Variants in MYO1C observed in about 807,000 individuals in gnomAD.
The protein encoded by MYO1C is unconventional myosin-Ic.
A neutral mutation model predicts 150.8 loss-of-function variants in MYO1C; 104 were observed. The ratio of observed to expected loss-of-function variants is 0.69; its 90% CI spans 0.59 to 0.81. The LOEUF is 0.81. Among genes scored for constraint, MYO1C ranks in the 30% least tolerant of loss-of-function variants. MYO1C has a pLI of 0.00. For synonymous variants in MYO1C, 663 were observed against 579.9 expected, an observed-to-expected ratio of 1.14 and a Z score of -2.06; for missense variants, 1,504 against 1,435.0, an observed-to-expected ratio of 1.05 and a Z score of -0.78.
chr17:1,491,420 G>C (rs994296671), intron 1 of MYO1C, among the ~76,000 whole-genome samples: 11 of 149,754 alleles, frequency 7.3e-5, no homozygotes, highest in African/African-American at 2.7e-4. Flanking sequence ...TCTCCACCAG[G>C]CTGCGCCGGC....
At chr17:1,468,797 G>C (rs1598321243) in intron 25 of MYO1C, 1 of 505,846 alleles carries the variant, frequency 2.0e-6, no homozygotes, top group East Asian at 3.6e-5. Flanking sequence ...GCTCCAGCTT[G>C]GGGTCTTGTA....
chr17:1,483,170 T>A (rs994348526), intron 3 of MYO1C, 111 bp from the exon 4 acceptor site: 110 of 1,093,606 alleles, frequency 1.0e-4, no homozygotes, highest in Non-Finnish European at 2.3e-5. Context: ...AATACACCCT[T>A]GAGGATGGGG....
chr17:1,491,545 C>T lies in MYO1C; in HGVS notation c.75+868G>A, dbSNP rs972382521. ...TGCACGGCGGCTCCCGGCCCGGCCG[C>T]CCGCTCCCCACACCCGCCCCCCGCG... On this transcript the variant is annotated intron_variant, in intron 1 of 31. Coordinates refer to ENST00000648651, the MANE Select transcript of MYO1C (RefSeq NM_001080779.2). 67 of 848,356 alleles carry T rather than the reference C, an allele frequency of 7.9e-5. No homozygotes were observed. In the African/African-American group the frequency reaches 8.1e-4, roughly 10 times the overall value. The allele number at this position is 848,356 out of a possible 1,614,324, so 52.6% of individuals were successfully genotyped here. A position where few individuals can be genotyped will look rare whatever the true frequency, so the allele number is the denominator to read the frequency against.
intron 5 of MYO1C, among the ~76,000 whole-genome samples, chr17:1,482,128 C>T (rs977502882): frequency 1.3e-5 from 2 of 152,068 alleles, no homozygotes; most frequent in African/African-American, 4.8e-5. Context: ...CTTAGGGTAA[C>T]CTTGGACTCC....
intron 25 of MYO1C, 103 bp from the exon 26 acceptor site, chr17:1,468,599 C>T (rs2074232352): frequency 4.4e-6 from 4 of 911,138 alleles, no homozygotes; most frequent in South Asian, 4.1e-5. Context: ...CACCCGCTTG[C>T]TGGTCCCTCT....
In MYO1C at chr17:1,479,299, C is replaced by T; in HGVS notation, c.1092+132G>A. 2 of 704,618 alleles carry T rather than the reference C, an allele frequency of 2.8e-6. No homozygotes were observed. The highest frequency in any genetic ancestry group is 5.0e-6 in the Non-Finnish European group (2 of 399,502). 43.6% of individuals were successfully genotyped at this position (704,618 alleles called of 1,614,324 possible). On this transcript the variant is annotated intron_variant, in intron 9 of 31. Transcript: ENST00000648651. This position sits in a 1 kb window ranked among gnomAD's most constrained non-coding sequence, Gnocchi z 4.2. ...TGAGCCACGGCGCTCGGCTCTCACT[C>T]TGCTTCTCTGAGCAGCCTTCCTTCC...
At chr17:1,488,163 C>T (rs1275549135) in intron 1 of MYO1C, among the ~76,000 whole-genome samples, 1 of 152,204 alleles carries the variant, frequency 6.6e-6, no homozygotes, top group Non-Finnish European at 1.5e-5. Context: ...CGCCCCGCCC[C>T]TCCACGTCAC....
intron 17 of MYO1C, chr17:1,472,490 T>G: frequency 1.9e-6 from 1 of 518,994 alleles, no homozygotes; most frequent in Non-Finnish European, 3.5e-6. Flanking sequence ...GCAACCTCAG[T>G]GCTACACCTC....
In MYO1C at chr17:1,478,307, G is replaced by T; in HGVS notation, c.1295+103C>A. 2 of 1,547,278 alleles carry T rather than the reference G, an allele frequency of 1.3e-6. No homozygotes were observed. Among genetic ancestry groups the T allele is most frequent in the Non-Finnish European group, 1.8e-6 (2 of 1,119,524 alleles). On this transcript the variant is annotated intron_variant, in intron 11 of 31. Coordinates refer to ENST00000648651, the MANE Select transcript of MYO1C (RefSeq NM_001080779.2). The surrounding 1 kb of genome is among the most constrained non-coding windows in gnomAD (Gnocchi z 6.3). ...GGTGAGAAACACAGAGACAGTCCCC[G>T]GCTGGCTGGGGAGTCACAGGGCAGG...
chr17:1,470,998 G>A (rs540582960), intron 21 of MYO1C, 73 bp downstream of exon 21: 3 of 1,489,394 alleles, frequency 2.0e-6, no homozygotes, highest in South Asian at 1.1e-5. Context: ...CCTGGAGAAG[G>A]AGCCCAAGGG....
Position 1,465,742 on chromosome 17 carries a change from C to A in MYO1C, c.3176G>T (p.Arg1059Leu). ...KNGHLAVVAP[R>L]LNSR ...GCGCCTTTATCACCGAGAATTCAGC[C>A]GTGGGGCGACCTGTGGGGGCGGAGA... is the stretch of plus-strand genomic sequence containing the variant. Residue 1059 changes from arginine (R) to leucine (L), a missense_variant, in exon 32 of 32, where the codon CGG becomes CTG. Coordinates refer to ENST00000648651, the MANE Select transcript of MYO1C (RefSeq NM_001080779.2). 1.5e-6 allele frequency: 2 copies of A among 1,324,110 alleles called. No homozygotes were observed. The highest frequency in any genetic ancestry group is 2.8e-5 in the South Asian group (1 of 36,204). 82.0% of individuals were successfully genotyped at this position (1,324,110 alleles called of 1,614,324 possible).
In MYO1C at chr17:1,471,346, G is replaced by C. The variant is rs1452414821; in HGVS notation, c.2022-10C>G. ...GCACAGTGACTTGTACCTGGGGACA[G>C]GAATGCACGCGGCTCCCACCCCAGT... On this transcript the variant is annotated splice_polypyrimidine_tract_variant and intron_variant, in intron 19 of 31. Coordinates refer to ENST00000648651, the MANE Select transcript of MYO1C (RefSeq NM_001080779.2). 6.2e-7 allele frequency: 1 copy of C among 1,612,382 alleles called. No individual in the cohort carries two copies. The highest frequency in any genetic ancestry group is 2.2e-5 in the East Asian group (1 of 44,868).
In MYO1C at chr17:1,467,494, G is replaced by GT; in HGVS notation, c.3050dup (p.Asn1017LysfsTer20). 1 of 1,613,236 alleles carries GT rather than the reference G, an allele frequency of 6.2e-7. No homozygotes were observed. The highest frequency in any genetic ancestry group is 8.5e-7 in the Non-Finnish European group (1 of 1,179,920). On this transcript the variant is annotated frameshift_variant, in exon 30 of 32. Transcript: ENST00000648651. LOFTEE classifies it high-confidence loss of function. ...CCGCGCCTCACCTGCCCTGGTTGATGTTGATGCTGTTCACGCGGTTGGCAC... is the reference window on the plus strand; with the variant it reads ...CCGCGCCTCACCTGCCCTGGTTGATGTTTGATGCTGTTCACGCGGTTGGCAC...
chr17:1,468,397 G>A lies in MYO1C; in HGVS notation c.2704+6C>T. On this transcript the variant is annotated splice_donor_region_variant and intron_variant, in intron 26 of 31. Coordinates refer to ENST00000648651, the MANE Select transcript of MYO1C (RefSeq NM_001080779.2). ...AGGTCTGAGTGCTGGAAAGTCAGGG[G>A]CTCACCAAGCCGAGTGCTGATGAAG... The A allele has an allele frequency of 6.2e-7, 1 of 1,613,784 alleles. No homozygotes were observed. The highest frequency in any genetic ancestry group is 8.5e-7 in the Non-Finnish European group (1 of 1,179,712).
intron 1 of MYO1C, chr17:1,485,003 A>G: frequency 1.2e-6 from 1 of 825,950 alleles, no homozygotes; most frequent in South Asian, 1.4e-5. Flanking sequence ...CCCACTCCAG[A>G]ACGCGGGGGA....
Position 1,483,773 on chromosome 17 carries a change from A to G in MYO1C, c.232-48T>C, listed in dbSNP as rs376706968. On this transcript the variant is annotated intron_variant, in intron 2 of 31. Coordinates refer to ENST00000648651, the MANE Select transcript of MYO1C (RefSeq NM_001080779.2). ...CAAAGTTTATCCCGGGCCAGGTGCGATGGCTCATGCCTGTAATCCCAGCAC... is the reference window on the plus strand; with the variant it reads ...CAAAGTTTATCCCGGGCCAGGTGCGGTGGCTCATGCCTGTAATCCCAGCAC... 1.0e-4 allele frequency: 148 copies of G among 1,442,680 alleles called. No individual in the cohort carries two copies. The African/African-American group carries it at 1.7e-3, about 17-fold the overall frequency. The allele number at this position is 1,442,680 out of a possible 1,614,324, so 89.4% of individuals were successfully genotyped here. A position where few individuals can be genotyped will look rare whatever the true frequency, so the allele number is the denominator to read the frequency against.
chr17:1,483,462 C>G, intron 3 of MYO1C, 148 bp downstream of exon 3: 1 of 659,778 alleles, frequency 1.5e-6, no homozygotes, highest in South Asian at 1.7e-5. Context: ...CGACATTCAT[C>G]TCTGGTCACT....
chr17:1,476,260 G>A (rs937425664), intron 14 of MYO1C, among the ~76,000 whole-genome samples: 6 of 151,314 alleles, frequency 4.0e-5, no homozygotes, highest in Non-Finnish European at 8.8e-5. Flanking sequence ...CTCACTGCAA[G>A]CTCCGCCCCC....
intron 5 of MYO1C, among the ~76,000 whole-genome samples, chr17:1,481,789 C>T (rs2074527051): frequency 1.3e-5 from 2 of 151,168 alleles, no homozygotes; most frequent in South Asian, 4.2e-4. Flanking sequence ...GCATGAGCCA[C>T]CTCACCCAGC....
Sources: allele counts gnomAD v4.1 joint callset (sites outside exome capture counted in the v4.1 genomes callset), GRCh38; gene constraint gnomAD v4.1.1; non-coding constraint Gnocchi (gnomAD v3.1); transcripts MANE v1.5; gene names NCBI Gene and HGNC (gene_info 2026-07-23, HGNC 2026-07-21).